Variants in DPYD observed in about 807,000 individuals in gnomAD.
DPYD encodes dihydropyrimidine dehydrogenase, also known as dihydropyrimidine dehydrogenase [NADP(+)].
In DPYD, 109 loss-of-function variants were observed where a neutral mutation model predicts 116.2. That is an observed-to-expected ratio of 0.94 (90% confidence interval 0.80 to 1.10). The LOEUF (loss-of-function observed/expected upper bound fraction) is 1.10. Ranked by LOEUF, DPYD falls within the 50% of genes least tolerant of loss-of-function variation. DPYD has a pLI of 0.00. For synonymous variants in DPYD, 440 were observed against 432.0 expected (o/e 1.02, Z -0.23); for missense variants, 1,302 against 1,254.5 (o/e 1.04, Z -0.57).
At chr1:97,706,280 T>C (rs1273946812) in intron 5 of DPYD, among the ~76,000 whole-genome samples, 1 of 152,024 alleles carries the variant, frequency 6.6e-6, no homozygotes, top group East Asian at 1.9e-4. Context: ...CTGAACTACA[T>C]CATCTGGTTT....
intron 3 of DPYD, among the ~76,000 whole-genome samples, chr1:97,803,015 A>C (rs17117218): frequency 0.031 from 4,701 of 152,052 alleles, 240 homozygotes; most frequent in African/African-American, 0.1. Flanking sequence ...AAAGTTTATT[A>C]ATCTTTCAAA....
At chr1:97,666,367 C>T (rs1659557353) in intron 8 of DPYD, among the ~76,000 whole-genome samples, 2 of 152,008 alleles carry the variant, frequency 1.3e-5, no homozygotes, top group African/African-American at 2.4e-5. Context: ...CTATGTTGCC[C>T]AGGCTGGTCT....
chr1:97,607,063 T>A (rs1571048915), intron 8 of DPYD, among the ~76,000 whole-genome samples: 2 of 151,994 alleles, frequency 1.3e-5, no homozygotes, highest in East Asian at 3.9e-4. Context: ...TATATGGCAT[T>A]CAAAACTGTG....
chr1:97,480,482 G>A (rs1471382061), intron 13 of DPYD, among the ~76,000 whole-genome samples: 1 of 152,176 alleles, frequency 6.6e-6, no homozygotes, highest in Non-Finnish European at 1.5e-5. Flanking sequence ...TTGGAAAAAA[G>A]TGTAGTGTAG....
At chr1:97,276,638 TAAG>T (rs1338609682) in intron 18 of DPYD, among the ~76,000 whole-genome samples, 1 of 142,928 alleles carries the variant, frequency 7.0e-6, no homozygotes, top group Non-Finnish European at 1.5e-5. Flanking sequence ...GAATGGCTAT[TAAG>T]AAGTCAACAA....
chr1:97,389,671 C>A (rs1570648537), intron 14 of DPYD, among the ~76,000 whole-genome samples: 1 of 151,930 alleles, frequency 6.6e-6, no homozygotes, highest in Non-Finnish European at 1.5e-5. Context: ...ATAGTTTTGA[C>A]TTTCATTTTG....
chr1:97,213,678 C>T (rs530453814), intron 19 of DPYD, among the ~76,000 whole-genome samples: 4 of 152,150 alleles, frequency 2.6e-5, no homozygotes, highest in Non-Finnish European at 5.9e-5. Flanking sequence ...TGTACCTGTC[C>T]ATGGGGATAA....
chr1:97,415,752 C>T lies in DPYD; in HGVS notation c.1906-33291G>A, dbSNP rs531969616. On this transcript the variant is annotated intron_variant, in intron 14 of 22. Transcript: ENST00000370192. ...TTTTGGACATTTCTGCTGCATCATC[C>T]ATTCTCTGTGATAAAGATTGTGGTA... 3.3e-5 allele frequency among the ~76,000 whole-genome samples: 5 copies of T among 152,314 alleles called. No individual in the cohort carries two copies. In the East Asian group the frequency reaches 9.6e-4, roughly 29 times the overall value.
chr1:97,275,778 C>T lies in DPYD; in HGVS notation c.2299+29481G>A, dbSNP rs1520660. Reference sequence around the variant, plus strand: ...TCCTTCCTCTTTCCAGGAAATCTTCCTTCAGTTCTTTTCCATGATAAGTCA... The same window carrying T: ...TCCTTCCTCTTTCCAGGAAATCTTCTTTCAGTTCTTTTCCATGATAAGTCA... On this transcript the variant is annotated intron_variant, in intron 18 of 22. Coordinates refer to ENST00000370192, the MANE Select transcript of DPYD (RefSeq NM_000110.4). 3.5e-3 allele frequency among the ~76,000 whole-genome samples: 525 copies of T among 152,048 alleles called. 30 individuals are homozygous for T. The East Asian group carries it at 0.088, about 25-fold the overall frequency.
At chr1:97,487,546 A>T (rs564072325) in intron 13 of DPYD, among the ~76,000 whole-genome samples, 1 of 151,952 alleles carries the variant, frequency 6.6e-6, no homozygotes, top group Non-Finnish European at 1.5e-5. Flanking sequence ...GGTGGCGGGC[A>T]CCTGTAGTCC....
chr1:97,491,519 C>T (rs1012310227), intron 13 of DPYD, among the ~76,000 whole-genome samples: 3 of 151,920 alleles, frequency 2.0e-5, no homozygotes, highest in Non-Finnish European at 4.4e-5. Context: ...GGCCAATTTT[C>T]AGTGACATCT....
chr1:97,364,911 C>T (rs1251655584), intron 16 of DPYD, among the ~76,000 whole-genome samples: 1 of 152,170 alleles, frequency 6.6e-6, no homozygotes, highest in Non-Finnish European at 1.5e-5. Context: ...GACAGCTCAC[C>T]TATCGCAGTT....
At chr1:97,800,893 C>T (rs1397012142) in intron 3 of DPYD, among the ~76,000 whole-genome samples, 3 of 151,866 alleles carry the variant, frequency 2.0e-5, no homozygotes, top group African/African-American at 7.3e-5. Flanking sequence ...TTGATTGTTC[C>T]AATCTGATAA....
chr1:97,815,745 T>C (rs963353701), intron 3 of DPYD, among the ~76,000 whole-genome samples: 4 of 152,218 alleles, frequency 2.6e-5, no homozygotes, highest in Non-Finnish European at 5.9e-5. Flanking sequence ...GTTTCATTTA[T>C]TTGTTTGTCT....
chr1:97,677,528 T>C (rs1660209961), intron 8 of DPYD, among the ~76,000 whole-genome samples: 1 of 152,122 alleles, frequency 6.6e-6, no homozygotes, highest in African/African-American at 2.4e-5. Context: ...AAATGTAATG[T>C]TGAAAAGTAA....
At chr1:97,289,173 T>G (rs1665952329) in intron 18 of DPYD, among the ~76,000 whole-genome samples, 1 of 152,046 alleles carries the variant, frequency 6.6e-6, no homozygotes, top group African/African-American at 2.4e-5. Flanking sequence ...AATAACAGGC[T>G]CTGAAATTGT....
chr1:97,479,273 G>C (rs1678168160), intron 13 of DPYD, among the ~76,000 whole-genome samples: 1 of 152,150 alleles, frequency 6.6e-6, no homozygotes, highest in African/African-American at 2.4e-5. Context: ...TCTAGCTTTT[G>C]ATTTAAAGTG....
At chr1:97,530,380 G>C (rs2102021592) in intron 12 of DPYD, among the ~76,000 whole-genome samples, 1 of 151,882 alleles carries the variant, frequency 6.6e-6, no homozygotes, top group Middle Eastern at 3.4e-3. Flanking sequence ...ACCACGCCAG[G>C]CTAATTTTTT....
chr1:97,528,975 T>C lies in DPYD; in HGVS notation c.1525-13034A>G, dbSNP rs572267725. Reference sequence around the variant, plus strand: ...TGATAGCCTACAAGCTCTTTCATGATATGGTCCTGTCTGCCTATCCAAACT... The same window carrying C: ...TGATAGCCTACAAGCTCTTTCATGACATGGTCCTGTCTGCCTATCCAAACT... On this transcript the variant is annotated intron_variant, in intron 12 of 22. Transcript: ENST00000370192. Among the ~76,000 whole-genome samples, 10 of 152,308 alleles carry C rather than the reference T, an allele frequency of 6.6e-5. 1 individual carries two copies. Among genetic ancestry groups the C allele is most frequent in the African/African-American group, 2.4e-4 (10 of 41,580 alleles).
Sources: allele counts gnomAD v4.1 joint callset (sites outside exome capture counted in the v4.1 genomes callset), GRCh38; gene constraint gnomAD v4.1.1; transcripts MANE v1.5; gene names NCBI Gene and HGNC (gene_info 2026-07-23, HGNC 2026-07-21).